ACCSL: variants seen among roughly 807,000 people sequenced by gnomAD.
The protein encoded by ACCSL is probable inactive 1-aminocyclopropane-1-carboxylate synthase-like protein 2.
A neutral mutation model predicts 61.7 loss-of-function variants in ACCSL; 55 were observed. The observed-to-expected ratio is 0.89, with a 90% CI of 0.72 to 1.12. The LOEUF (loss-of-function observed/expected upper bound fraction) is 1.12, where lower values mean the gene tolerates loss of function less well. Ranked by LOEUF, ACCSL falls within the 50% of genes most tolerant of loss-of-function variation. The pLI is 0.00. For synonymous variants in ACCSL, 258 were observed against 264.3 expected (o/e 0.98, Z 0.23); for missense variants, 632 against 698.0 (o/e 0.91, Z 1.07).
the ACCSL span, among the ~76,000 whole-genome samples, chr11:44,005,838 G>A: frequency 2.0e-5 from 3 of 152,176 alleles, no homozygotes; most frequent in South Asian, 2.1e-4. Flanking sequence ...AAGAAACCAA[G>A]GCTTACAGGC....
At chr11:43,933,225 C>T in the ACCSL span, 152 of 454,850 alleles carry the variant, frequency 3.3e-4, no homozygotes, top group African/African-American at 1.4e-3. Flanking sequence ...TCTCAGAATG[C>T]GAGGCTACAA....
At chr11:43,956,699 G>A in the ACCSL span, among the ~76,000 whole-genome samples, 1 of 152,170 alleles carries the variant, frequency 6.6e-6, no homozygotes, top group Non-Finnish European at 1.5e-5. Flanking sequence ...GATTACAGGT[G>A]TGAGCCACTG....
the ACCSL span, among the ~76,000 whole-genome samples, chr11:43,959,980 C>T: frequency 6.6e-6 from 1 of 152,142 alleles, no homozygotes; most frequent in Admixed American, 6.5e-5. Context: ...GTGCCGCTGC[C>T]CCACAGCCCT....
the ACCSL span, among the ~76,000 whole-genome samples, chr11:43,931,274 G>GCCAT: frequency 1.3e-5 from 2 of 152,180 alleles, no homozygotes; most frequent in African/African-American, 4.8e-5. Context: ...CATGCCTTCT[G>GCCAT]CCATCATCAC....
chr11:43,933,334 C>T, the ACCSL span: 175 of 350,332 alleles, frequency 5.0e-4, no homozygotes, highest in Non-Finnish European at 7.2e-4. Flanking sequence ...GTCCAGAGAA[C>T]CAGCCCTCCC....
intron 5 of ACCSL, among the ~76,000 whole-genome samples, chr11:44,052,039 G>GA (rs1952642840): frequency 6.6e-6 from 1 of 152,192 alleles, no homozygotes; most frequent in Non-Finnish European, 1.5e-5. Flanking sequence ...AATGGACTCA[G>GA]ACAATATAGA....
chr11:44,044,985 G>A (rs757265699), upstream of ACCSL, among the ~76,000 whole-genome samples: 1 of 152,126 alleles, frequency 6.6e-6, no homozygotes, highest in African/African-American at 2.4e-5. Context: ...GTATACCCCC[G>A]GTACCAGACA....
chr11:44,032,848 G>A, the ACCSL span, among the ~76,000 whole-genome samples: 2 of 152,158 alleles, frequency 1.3e-5, no homozygotes, highest in Admixed American at 6.5e-5. Flanking sequence ...CACAAATGTG[G>A]TATGACTGGG....
chr11:43,935,199 G>A, the ACCSL span, among the ~76,000 whole-genome samples: 7 of 152,328 alleles, frequency 4.6e-5, no homozygotes, highest in South Asian at 2.1e-4. Context: ...TGGGGGAACC[G>A]TGGCTCAGAG....
At chr11:44,026,561 T>C in the ACCSL span, among the ~76,000 whole-genome samples, 2 of 152,230 alleles carry the variant, frequency 1.3e-5, no homozygotes, top group Non-Finnish European at 2.9e-5. Context: ...TGAATGCTTT[T>C]TGTTCTTATG....
chr11:44,046,883 G>C (rs1260251894), upstream of ACCSL, among the ~76,000 whole-genome samples: 1 of 152,074 alleles, frequency 6.6e-6, no homozygotes, highest in Non-Finnish European at 1.5e-5. Flanking sequence ...GCTTTAAAAG[G>C]TATTTTTTGG....
At chr11:44,027,459 G>C in the ACCSL span, among the ~76,000 whole-genome samples, 8 of 152,196 alleles carry the variant, frequency 5.3e-5, no homozygotes, top group Non-Finnish European at 1.2e-4. Context: ...TTCCAATAAA[G>C]GACCAGCTGA....
the ACCSL span, among the ~76,000 whole-genome samples, chr11:44,003,544 G>A: frequency 1.1e-4 from 16 of 151,810 alleles, no homozygotes; most frequent in Non-Finnish European, 2.2e-4. Flanking sequence ...TCGGGAGGCT[G>A]AGGCAGGTGA....
the ACCSL span, among the ~76,000 whole-genome samples, chr11:43,975,300 G>A: frequency 2.0e-3 from 310 of 152,278 alleles, 1 homozygote; most frequent in Non-Finnish European, 3.7e-3. Context: ...CTCTCCGGAT[G>A]CAAACAATGC....
the ACCSL span, among the ~76,000 whole-genome samples, chr11:43,931,183 G>A: frequency 1.3e-5 from 2 of 152,186 alleles, no homozygotes; most frequent in Non-Finnish European, 1.5e-5. Context: ...GCTGCTGGAG[G>A]TGTACCCCCC....
At chr11:44,026,183 G>A in the ACCSL span, among the ~76,000 whole-genome samples, 193 of 152,164 alleles carry the variant, frequency 1.3e-3, 1 homozygote, top group African/African-American at 4.5e-3. Flanking sequence ...ATACTTAATG[G>A]TTTGTCACAG....
the ACCSL span, among the ~76,000 whole-genome samples, chr11:44,025,726 G>T: frequency 1.3e-5 from 2 of 151,142 alleles, no homozygotes; most frequent in Non-Finnish European, 2.9e-5. Context: ...TTATAGGATT[G>T]GTCTGCTAGT....
At chr11:43,922,436 C>T in the ACCSL span, among the ~76,000 whole-genome samples, 1 of 152,230 alleles carries the variant, frequency 6.6e-6, no homozygotes, top group South Asian at 2.1e-4. Flanking sequence ...GAGCTGGTCA[C>T]AGCTGACCAC....
At chr11:43,925,280 T>C in the ACCSL span, 2 of 437,134 alleles carry the variant, frequency 4.6e-6, no homozygotes, top group Non-Finnish European at 9.3e-6. Context: ...GAGTAGTCCC[T>C]ATCAAATGCT....
Sources: allele counts gnomAD v4.1 joint callset (sites outside exome capture counted in the v4.1 genomes callset), GRCh38; gene constraint gnomAD v4.1.1; transcripts MANE v1.5; gene names NCBI Gene and HGNC (gene_info 2026-07-23, HGNC 2026-07-21).